DAB1: variants seen among roughly 807,000 people sequenced by gnomAD.
The protein encoded by DAB1 is DAB adaptor protein 1.
A neutral mutation model predicts 64.6 loss-of-function variants in DAB1; 15 were observed. The observed-to-expected ratio is 0.23, with a 90% confidence interval of 0.16 to 0.36. The LOEUF is 0.36. Among genes scored for constraint, DAB1 ranks in the 10% least tolerant of loss-of-function variants. DAB1 has a pLI of 1.00. For missense variants in DAB1, 596 were observed against 706.7 expected, an observed-to-expected ratio of 0.84 and a Z score of 1.78; for synonymous variants, 235 against 251.9, an observed-to-expected ratio of 0.93 and a Z score of 0.64.
At chr1:58,062,264 A>G (rs1055637619) in intron 5 of DAB1, among the ~76,000 whole-genome samples, 1 of 152,192 alleles carries the variant, frequency 6.6e-6, no homozygotes, top group African/African-American at 2.4e-5. Flanking sequence ...TAGACAGTTG[A>G]GGAAACAGAG....
chr1:57,271,828 T>C (rs1248302622), intron 2 of DAB1, among the ~76,000 whole-genome samples: 3 of 152,206 alleles, frequency 2.0e-5, no homozygotes, highest in African/African-American at 7.2e-5. Flanking sequence ...TGGGCTGTAA[T>C]CACTACTGTC....
At chr1:57,806,414 T>C (rs796975819) in intron 6 of DAB1, among the ~76,000 whole-genome samples, 21 of 152,288 alleles carry the variant, frequency 1.4e-4, no homozygotes, top group African/African-American at 4.8e-4. Context: ...CACAGTGACA[T>C]GCACACAAGG....
At chr1:57,901,896 T>G (rs1171490421) in intron 5 of DAB1, among the ~76,000 whole-genome samples, 2 of 152,128 alleles carry the variant, frequency 1.3e-5, no homozygotes, top group East Asian at 3.8e-4. Flanking sequence ...GAACTTGGTC[T>G]TATAGGATCA....
intron 2 of DAB1, among the ~76,000 whole-genome samples, chr1:57,273,541 GCCTGCCTGCCTGCCTTCCTT>G (rs1310246226): frequency 3.6e-4 from 24 of 66,222 alleles, no homozygotes; most frequent in African/African-American, 1.2e-3. Context: ...CTGCCTGCCT[GCCTGCCTGCCTGCCTTCCTT>G]CCTTCCTTCC....
chr1:57,711,487 A>G (rs947308773), intron 6 of DAB1, among the ~76,000 whole-genome samples: 3 of 152,214 alleles, frequency 2.0e-5, no homozygotes, highest in African/African-American at 7.2e-5. Context: ...CTCCAGGGGA[A>G]TAGGAGTGAA....
intron 5 of DAB1, among the ~76,000 whole-genome samples, chr1:58,099,634 G>A (rs1198411647): frequency 6.6e-6 from 1 of 152,186 alleles, no homozygotes; most frequent in African/African-American, 2.4e-5. Flanking sequence ...CCCAGGGATG[G>A]CTGGGCTGGC....
chr1:57,925,299 T>TA (rs1253996315), intron 5 of DAB1, among the ~76,000 whole-genome samples: 1 of 152,240 alleles, frequency 6.6e-6, no homozygotes, highest in Admixed American at 6.5e-5. Flanking sequence ...CTTGGCCTTC[T>TA]ATGTCATGAG....
At chr1:57,949,231 T>G (rs1472085066) in intron 5 of DAB1, among the ~76,000 whole-genome samples, 1 of 152,206 alleles carries the variant, frequency 6.6e-6, no homozygotes. Flanking sequence ...ATTAGTTTGA[T>G]TCTCACAAGG....
chr1:58,343,591 C>A (rs1643964557), intron 3 of DAB1, among the ~76,000 whole-genome samples: 1 of 152,172 alleles, frequency 6.6e-6, no homozygotes, highest in Non-Finnish European at 1.5e-5. Flanking sequence ...GGGAGAAAGA[C>A]AGAAAGACCC....
chr1:57,975,274 C>T (rs1225988972), intron 5 of DAB1, among the ~76,000 whole-genome samples: 1 of 152,170 alleles, frequency 6.6e-6, no homozygotes, highest in Non-Finnish European at 1.5e-5. Flanking sequence ...TGTTGTTTAA[C>T]TCACCCATCT....
chr1:57,832,039 A>C (rs187582615), intron 1 of DAB1, among the ~76,000 whole-genome samples: 1 of 152,356 alleles, frequency 6.6e-6, no homozygotes, highest in East Asian at 1.9e-4. Flanking sequence ...ATGCATATGT[A>C]CGTGCATAAT....
At position 58,117,228 on chromosome 1, in the gene DAB1, C is replaced by T. The variant is rs114825713; in HGVS notation, n.387+33283G>A. Among the ~76,000 whole-genome samples the T allele has an allele frequency of 4.5e-3, 685 of 152,270 alleles. 3 individuals carry two copies. Among genetic ancestry groups the T allele is most frequent in the African/African-American group, 0.016 (660 of 41,560 alleles). ...AGGCTTCCCTGCCTACCAAAAGAAA[C>T]GTGTTGCCTGTACTAGTAAGTTACT... is the stretch of plus-strand genomic sequence containing the variant. On this transcript the variant is annotated intron_variant and non_coding_transcript_variant, in intron 5 of 20. Transcript: ENST00000485760.
At chr1:57,104,691 C>T (rs905482352) in intron 4 of DAB1, among the ~76,000 whole-genome samples, 2 of 152,082 alleles carry the variant, frequency 1.3e-5, no homozygotes, top group African/African-American at 4.8e-5. Flanking sequence ...CCAAAACAAC[C>T]TGGACTTCAT....
At chr1:58,277,007 AAG>A (rs1491205919) in intron 4 of DAB1, among the ~76,000 whole-genome samples, 1 of 151,520 alleles carries the variant, frequency 6.6e-6, no homozygotes, top group Admixed American at 6.6e-5. Context: ...GGTTGAATAA[AAG>A]AGAGAGTGTT....
intron 4 of DAB1, among the ~76,000 whole-genome samples, chr1:58,225,799 C>CA (rs1659441371): frequency 9.2e-6 from 1 of 108,444 alleles, no homozygotes. Context: ...CATCACACAC[C>CA]GGGCCTGTTG....
chr1:58,275,456 T>C (rs956853904), intron 4 of DAB1, among the ~76,000 whole-genome samples: 1 of 152,266 alleles, frequency 6.6e-6, no homozygotes, highest in African/African-American at 2.4e-5. Flanking sequence ...TCAGAATATA[T>C]AAAGAACTCC....
chr1:58,538,844 A>G lies in DAB1; in HGVS notation n.32+7859T>C, dbSNP rs553234238. The stretch of plus-strand genomic sequence containing the variant: ...TTCTGTACTGGTTTAAGAATCATCA[A>G]CAAGAGAGGAACCGGAGCAGCTTGA... On this transcript the variant is annotated intron_variant and non_coding_transcript_variant, in intron 1 of 20. Transcript: ENST00000485760. 4.0e-5 allele frequency: 35 copies of G among 868,362 alleles called. 1 individual carries two copies. The African/African-American group carries it at 4.7e-4, about 12-fold the overall frequency. The allele number at this position is 868,362 out of a possible 1,614,324, so 53.8% of individuals were successfully genotyped here.
chr1:58,102,357 T>G (rs913841067), intron 5 of DAB1, among the ~76,000 whole-genome samples: 1 of 152,184 alleles, frequency 6.6e-6, no homozygotes, highest in Non-Finnish European at 1.5e-5. Flanking sequence ...GTGATCAAGC[T>G]GTACCCCGGA....
At chr1:57,537,840 G>A (rs1398805601) in intron 7 of DAB1, among the ~76,000 whole-genome samples, 1 of 152,198 alleles carries the variant, frequency 6.6e-6, no homozygotes, top group Non-Finnish European at 1.5e-5. Flanking sequence ...TCTGCTGGCT[G>A]GAAGACCGGG....
Sources: allele counts gnomAD v4.1 joint callset (sites outside exome capture counted in the v4.1 genomes callset), GRCh38; gene constraint gnomAD v4.1.1; transcripts MANE v1.5; gene names NCBI Gene and HGNC (gene_info 2026-07-23, HGNC 2026-07-21).